The following MAP3K20 variants were observed in gnomAD, a reference collection of about 807,000 sequenced individuals.
The protein encoded by MAP3K20 is mitogen-activated protein kinase kinase kinase 20.
MAP3K20 carries 40 observed loss-of-function variants against 85.7 expected under a neutral mutation model. The observed-to-expected ratio is 0.47, with a 90% CI of 0.36 to 0.61. MAP3K20 has a LOEUF of 0.61. MAP3K20 is among the 20% of genes least tolerant of loss of function. The pLI, the probability that MAP3K20 is intolerant of heterozygous loss-of-function variation, is 0.00. For synonymous variants in MAP3K20, 325 were observed against 327.7 expected, an observed-to-expected ratio of 0.99 and a Z score of 0.09; for missense variants, 817 against 961.7, an observed-to-expected ratio of 0.85 and a Z score of 1.99.
chr2:173,173,929 T>C (rs1490234692), intron 3 of MAP3K20, among the ~76,000 whole-genome samples: 2 of 152,134 alleles, frequency 1.3e-5, no homozygotes, highest in African/African-American at 2.4e-5. Flanking sequence ...TCTTAATGAC[T>C]TCAAAAAAAA....
At chr2:173,222,955 A>ATT in intron 11 of MAP3K20, 2 of 985,416 alleles carry the variant, frequency 2.0e-6, no homozygotes, top group Non-Finnish European at 2.4e-6. Context: ...GAGTGTCATT[A>ATT]TTTGACTGTT....
At chr2:173,127,651 G>T (rs1688480363) in intron 2 of MAP3K20, among the ~76,000 whole-genome samples, 1 of 152,062 alleles carries the variant, frequency 6.6e-6, no homozygotes, top group Non-Finnish European at 1.5e-5. Context: ...AGTGAGATGG[G>T]TGTGGGAATT....
rs55900314 is a variant in MAP3K20 at position 173,081,189 on chromosome 2, ATT to A, written c.-35+5206_-35+5207del. On this transcript the variant is annotated intron_variant, in intron 1 of 19. Transcript: ENST00000375213. ...CAGACACATATTTTAAAAAAGACAA[ATT>A]TTTTTTTTTTTTTTTTTTAGAAACA... Among the ~76,000 whole-genome samples, 400 of 140,818 alleles carry A rather than the reference ATT, an allele frequency of 2.8e-3. 2 individuals are homozygous for A. The highest frequency in any genetic ancestry group is 3.4e-3 in the South Asian group (15 of 4,348). 92.4% of individuals were successfully genotyped at this position (140,818 alleles called of 152,430 possible).
chr2:173,130,910 C>A (rs1057063553), intron 2 of MAP3K20, among the ~76,000 whole-genome samples: 1 of 152,190 alleles, frequency 6.6e-6, no homozygotes, highest in Non-Finnish European at 1.5e-5. Flanking sequence ...TATCAAAATT[C>A]TACTGAAACA....
At chr2:173,146,169 G>T (rs1470852429) in intron 2 of MAP3K20, among the ~76,000 whole-genome samples, 1 of 151,580 alleles carries the variant, frequency 6.6e-6, no homozygotes, top group Admixed American at 6.6e-5. Flanking sequence ...TAAGGTCTGT[G>T]TATTTTATTA....
At chr2:173,262,283 G>T (rs1202151863) in intron 18 of MAP3K20, among the ~76,000 whole-genome samples, 1 of 152,124 alleles carries the variant, frequency 6.6e-6, no homozygotes, top group Non-Finnish European at 1.5e-5. Context: ...GGGCTGCCAG[G>T]ATTTGGCTTT....
chr2:173,246,041 G>A (rs1294516984), intron 16 of MAP3K20, among the ~76,000 whole-genome samples: 1 of 152,162 alleles, frequency 6.6e-6, no homozygotes, highest in Non-Finnish European at 1.5e-5. Context: ...CCATGCTAGG[G>A]ATAATTATTA....
chr2:173,236,650 G>C (rs986839585), intron 14 of MAP3K20, among the ~76,000 whole-genome samples: 1 of 152,148 alleles, frequency 6.6e-6, no homozygotes, highest in East Asian at 1.9e-4. Flanking sequence ...GCTACCCAGT[G>C]GGGGCTCAGC....
At chr2:173,090,607 G>T in intron 1 of MAP3K20, 1 of 991,514 alleles carries the variant, frequency 1.0e-6, no homozygotes, top group Non-Finnish European at 1.2e-6. Flanking sequence ...TGCCTCAGAT[G>T]CCAGGGGAGC....
At chr2:173,222,902 T>C in intron 11 of MAP3K20, 1 of 984,904 alleles carries the variant, frequency 1.0e-6, no homozygotes, top group Non-Finnish European at 1.2e-6. Flanking sequence ...ATTATATATA[T>C]GAGGCAAAAG....
At chr2:173,076,922 A>T (rs933554805) in intron 1 of MAP3K20, among the ~76,000 whole-genome samples, 4 of 152,244 alleles carry the variant, frequency 2.6e-5, no homozygotes, top group African/African-American at 9.6e-5. Context: ...CCGATTGCCT[A>T]AAAAATTTTT....
intron 2 of MAP3K20, among the ~76,000 whole-genome samples, chr2:173,139,025 A>C (rs781291510): frequency 6.6e-6 from 1 of 152,226 alleles, no homozygotes; most frequent in Non-Finnish European, 1.5e-5. Context: ...GGCTGGCTTA[A>C]GTAACTTTTG....
intron 16 of MAP3K20, among the ~76,000 whole-genome samples, chr2:173,242,668 G>C (rs1684815536): frequency 7.4e-6 from 1 of 134,452 alleles, no homozygotes; most frequent in Admixed American, 7.6e-5. Context: ...ATCCTCTGCT[G>C]TTCCTTGGTC....
chr2:173,085,775 G>A (rs921102476), intron 1 of MAP3K20, among the ~76,000 whole-genome samples: 3 of 102,652 alleles, frequency 2.9e-5, no homozygotes, highest in African/African-American at 1.0e-4. Context: ...CCTTTTTTGT[G>A]TAAAAGCAAT....
chr2:173,154,631 G>T (rs1689411094), intron 2 of MAP3K20, among the ~76,000 whole-genome samples: 1 of 152,096 alleles, frequency 6.6e-6, no homozygotes, highest in Admixed American at 6.5e-5. Context: ...ATAATAGTGG[G>T]TAAGCCCTTG....
intron 11 of MAP3K20, chr2:173,222,424 A>G (rs1407553856): frequency 1.0e-6 from 1 of 985,688 alleles, no homozygotes; most frequent in African/African-American, 1.7e-5. Flanking sequence ...GATGTTGCAA[A>G]CTTTCATACC....
intron 2 of MAP3K20, among the ~76,000 whole-genome samples, chr2:173,134,454 A>T: frequency 3.9e-5 from 1 of 25,784 alleles, no homozygotes; most frequent in African/African-American, 1.6e-4. Flanking sequence ...TTTTGCAGAG[A>T]CGGGGTTTCG....
chr2:173,092,005 A>G (rs540563605), intron 2 of MAP3K20, among the ~76,000 whole-genome samples: 38 of 152,334 alleles, frequency 2.5e-4, no homozygotes, highest in African/African-American at 8.2e-4. Flanking sequence ...TTATTGTTCA[A>G]TATCTTTTTA....
intron 2 of MAP3K20, among the ~76,000 whole-genome samples, chr2:173,130,316 A>AT (rs894955061): frequency 4.9e-4 from 75 of 152,320 alleles, no homozygotes; most frequent in African/African-American, 1.7e-3. Context: ...AAAAATGTCC[A>AT]TTTTTTTAAA....
Sources: allele counts gnomAD v4.1 joint callset (sites outside exome capture counted in the v4.1 genomes callset), GRCh38; gene constraint gnomAD v4.1.1; transcripts MANE v1.5; gene names NCBI Gene and HGNC (gene_info 2026-07-23, HGNC 2026-07-21).